The following RBM26 variants were observed in gnomAD, a reference collection of about 807,000 sequenced individuals.
RBM26 encodes the protein RNA binding motif protein 26.
In RBM26, 30 loss-of-function variants were observed where a neutral mutation model predicts 123.6. The ratio of observed to expected loss-of-function variants is 0.24; its 90% CI spans 0.18 to 0.33. The LOEUF (loss-of-function observed/expected upper bound fraction) is 0.33. RBM26 is among the 10% of genes least tolerant of loss of function. The probability of loss-of-function intolerance (pLI) is 1.00; values close to 1 mark genes in which losing one functional copy is unlikely to be tolerated. For synonymous variants in RBM26, 400 were observed against 404.4 expected (o/e 0.99, Z 0.13); for missense variants, 947 against 1,203.6 (o/e 0.79, Z 3.15).
chr13:79,312,624 G>C (rs2066925063), exon 5 of RBM26: 1 of 152,026 alleles, frequency 6.6e-6, no homozygotes. Flanking sequence ...CATGCTGAAT[G>C]AGTTTTTGGA....
chr13:79,389,286 A>G (rs751805437), intron 1 of RBM26, among the ~76,000 whole-genome samples: 1 of 152,234 alleles, frequency 6.6e-6, no homozygotes, highest in Non-Finnish European at 1.5e-5. Context: ...CCAAGAAAGT[A>G]TACTTAATAC....
At chr13:79,340,976 C>A in intron 18 of RBM26, 147 bp downstream of exon 18, 3 of 482,060 alleles carry the variant, frequency 6.2e-6, no homozygotes, top group Non-Finnish European at 1.1e-5. Context: ...CCTCTTCCCT[C>A]TTTCCTATAT....
At chr13:79,331,216 C>T (rs2069276209) in intron 20 of RBM26, among the ~76,000 whole-genome samples, 1 of 152,018 alleles carries the variant, frequency 6.6e-6, no homozygotes, top group Admixed American at 6.6e-5. Context: ...GTTGCCCAGG[C>T]TGGTCTCGAA....
intron 1 of RBM26, among the ~76,000 whole-genome samples, chr13:79,403,222 T>C (rs1485764689): frequency 1.3e-5 from 2 of 152,070 alleles, no homozygotes; most frequent in Non-Finnish European, 2.9e-5. Context: ...GAAATGCAAT[T>C]AAAAGGACAA....
At chr13:79,344,992 T>TA (rs1566379553) in intron 14 of RBM26, among the ~76,000 whole-genome samples, 198 bp from the exon 15 acceptor site, 2 of 151,530 alleles carry the variant, frequency 1.3e-5, no homozygotes, top group African/African-American at 2.4e-5. Context: ...CTCTAAAATT[T>TA]AAAAAAATGA....
chr13:79,376,206 G>GT (rs1037504509), intron 3 of RBM26: 55 of 148,734 alleles, frequency 3.7e-4, no homozygotes, highest in East Asian at 7.9e-4. Flanking sequence ...TAGTTTGTTT[G>GT]TTTTTTTTTT....
Position 79,368,798 on chromosome 13 carries a change from T to C in RBM26, c.827A>G (p.Glu276Gly). 6.2e-7 allele frequency: 1 copy of C among 1,613,298 alleles called. No homozygotes were observed. The highest frequency in any genetic ancestry group is 8.5e-7 in the Non-Finnish European group (1 of 1,179,252). ...NTTESWSEFH[E>G]DQVDHNSYVR... ...GTAAGAGTTATGGTCCACTTGGTCT[T>C]CATGAAATTCAGACCAACTTTCGGT... is the stretch of plus-strand genomic sequence containing the variant. Residue 276 changes from glutamate (E) to glycine (G), a missense_variant, in exon 6 of 22, where the codon GAA becomes GGA. Glu to Gly is a moderately conservative substitution (Grantham distance 98). Coordinates refer to ENST00000438737, the MANE Select transcript of RBM26 (RefSeq NM_001366735.2).
chr13:79,351,526 GA>G (rs1212755145), intron 14 of RBM26, among the ~76,000 whole-genome samples: 2 of 138,136 alleles, frequency 1.4e-5, no homozygotes, highest in Non-Finnish European at 3.1e-5. Flanking sequence ...GGGGATAACA[GA>G]AAAATCTGGA....
intron 14 of RBM26, 143 bp from the exon 15 acceptor site, chr13:79,344,937 C>T (rs367765157): frequency 5.9e-5 from 40 of 676,050 alleles, no homozygotes; most frequent in East Asian, 3.4e-4. Flanking sequence ...CTTATAATAA[C>T]GAAATCATAT....
At chr13:79,351,431 A>G (rs1314241723) in intron 14 of RBM26, among the ~76,000 whole-genome samples, 2 of 152,148 alleles carry the variant, frequency 1.3e-5, no homozygotes, top group Non-Finnish European at 2.9e-5. Context: ...ATTTTCAACG[A>G]GGATAAACCT....
intron 1 of RBM26, among the ~76,000 whole-genome samples, chr13:79,389,921 T>C (rs2077801526): frequency 6.6e-6 from 1 of 152,178 alleles, no homozygotes; most frequent in Non-Finnish European, 1.5e-5. Flanking sequence ...AATAGGAATC[T>C]ACCTAACAGT....
At chr13:79,366,259 A>C (rs1227972875) in intron 7 of RBM26, 64 bp from the exon 8 acceptor site, 1 of 1,510,020 alleles carries the variant, frequency 6.6e-7, no homozygotes, top group African/African-American at 1.4e-5. Context: ...GTTATTGCAC[A>C]TCCGAACATA....
At position 79,371,927 on chromosome 13, in the gene RBM26, T is replaced by G. The variant is rs200762183; in HGVS notation, c.331A>C (p.Thr111Pro). 16 of 1,586,364 alleles carry G rather than the reference T, an allele frequency of 1.0e-5. No homozygotes were observed. Among genetic ancestry groups the G allele is most frequent in the Admixed American group, 1.7e-5 (1 of 57,866 alleles). ...QEKDIKKEEITKEEEREKKFS... is the reference protein window; with the variant it reads ...QEKDIKKEEIPKEEEREKKFS... ...TTCTTCTCTCGCTCTTCCTCCTTAG[T>G]GATCTGATTAAAAAAAAAAAAAAAA... The change falls in exon 4 of 22, where the codon ACT (threonine) becomes CCT (proline). Residue 111 changes from threonine (T) to proline (P), a missense_variant. Thr to Pro is a conservative substitution (Grantham distance 38). Around this residue, in one of 5 missense-constraint regions of RBM26, gnomAD observed 275 missense variants for 361.0 expected, o/e 0.76. Coordinates refer to ENST00000438737, the MANE Select transcript of RBM26 (RefSeq NM_001366735.2).
At chr13:79,338,601 A>T (rs1207719470) in intron 18 of RBM26, among the ~76,000 whole-genome samples, 2 of 152,226 alleles carry the variant, frequency 1.3e-5, no homozygotes, top group African/African-American at 4.8e-5. Context: ...TTTAAGGATC[A>T]TGTTAAGGAT....
chr13:79,393,852 G>GT (rs1205356943), intron 1 of RBM26, among the ~76,000 whole-genome samples: 1 of 152,164 alleles, frequency 6.6e-6, no homozygotes, highest in Non-Finnish European at 1.5e-5. Context: ...GGGGTTTCCT[G>GT]TTTTTTCAAC....
chr13:79,340,795 A>G (rs539556023), intron 18 of RBM26, among the ~76,000 whole-genome samples: 7 of 152,106 alleles, frequency 4.6e-5, no homozygotes, highest in African/African-American at 7.2e-5. Flanking sequence ...GAATATCTCC[A>G]TAAGAATACC....
rs748049297 is a variant in RBM26 at position 79,371,096 on chromosome 13, T to G, written c.483A>C (p.Arg161=). The G allele has an allele frequency of 6.2e-7, 1 of 1,614,190 alleles. No individual in the cohort carries two copies. Among genetic ancestry groups the G allele is most frequent in the Non-Finnish European group, 8.5e-7 (1 of 1,180,018 alleles). Residue 161 remains arginine (R), a synonymous_variant, in exon 5 of 22, where the codon CGA becomes CGC. Coordinates refer to ENST00000438737, the MANE Select transcript of RBM26 (RefSeq NM_001366735.2). ...RKRDYDRNPP[R]RDSYRDRYNR... Reference sequence around the variant, plus strand: ...TGTACCGGTCTCTGTATGAATCTCTTCGAGGAGGGTTTCGATCATAATCTC... The same window carrying G: ...TGTACCGGTCTCTGTATGAATCTCTGCGAGGAGGGTTTCGATCATAATCTC...
intron 2 of RBM26, among the ~76,000 whole-genome samples, chr13:79,378,354 A>G (rs1448717168): frequency 6.6e-6 from 1 of 152,228 alleles, no homozygotes. Flanking sequence ...GATATACTCA[A>G]TAATAATATT....
Position 79,337,240 on chromosome 13 carries a change from A to G in RBM26, c.2595T>C (p.Gly865=). 6.2e-7 allele frequency: 1 copy of G among 1,614,140 alleles called. No individual in the cohort carries two copies. Among genetic ancestry groups the G allele is most frequent in the Non-Finnish European group, 8.5e-7 (1 of 1,180,016 alleles). Reference sequence around the variant, plus strand: ...GCCCCCTGCCTCGGCCATGAACTGCACCTCGACCTCTTGAATGAATTCCTC... The same window carrying G: ...GCCCCCTGCCTCGGCCATGAACTGCGCCTCGACCTCTTGAATGAATTCCTC... ...RGRGIHSRGR[G]AVHGRGRGRG... Residue 865 remains glycine, a synonymous_variant, in exon 19 of 22, where the codon GGT becomes GGC. Transcript: ENST00000438737.
Sources: gnomAD v4.1 joint callset for allele counts (sites outside exome capture counted in the v4.1 genomes callset) on GRCh38, gnomAD v4.1.1 for gene constraint, gnomAD v4.1.1 regional missense constraint, MANE v1.5 for transcripts, NCBI Gene and HGNC (gene_info 2026-07-23, HGNC 2026-07-21) for gene names.